The following FHOD1 variants were observed in gnomAD, a reference collection of about 807,000 sequenced individuals.
The protein encoded by FHOD1 is formin homology 2 domain containing 1.
A neutral mutation model predicts 111.6 loss-of-function variants in FHOD1; 89 were observed. The ratio of observed to expected loss-of-function variants is 0.80; its 90% confidence interval spans 0.67 to 0.95. FHOD1 has a LOEUF of 0.95. Among genes scored for constraint, FHOD1 ranks in the 40% least tolerant of loss-of-function variants. FHOD1 has a pLI of 0.00. For synonymous variants in FHOD1, 618 were observed against 639.0 expected (o/e 0.97, Z 0.50); for missense variants, 1,446 against 1,554.2 (o/e 0.93, Z 1.17).
rs577832197 is a variant in FHOD1 at position 67,230,159 on chromosome 16, C to T, written c.3121G>A (p.Gly1041Arg). 16 of 1,614,204 alleles carry T rather than the reference C, an allele frequency of 9.9e-6. No individual in the cohort carries two copies. In the East Asian group the frequency reaches 1.1e-4, roughly 11 times the overall value. ...CTGTCAGCATCTCCCCGGCCTGGCC[C>T]GCTGCTCACTGCTACTGGGACAGAG... ...NPSVPVAVSS[G>R]PGRGDADSHA... Residue 1041 changes from glycine (G) to arginine (R), a missense_variant, in exon 20 of 22, where the codon GGG becomes AGG. Around this residue, in one of 3 missense-constraint regions of FHOD1, gnomAD observed 1,085 missense variants for 1,108.8 expected, o/e 0.98. Coordinates refer to ENST00000258201, the MANE Select transcript of FHOD1 (RefSeq NM_013241.3).
rs189993811 is a variant in FHOD1, at chr16:67,233,143, A to G, written c.2046+514T>C. 2.2e-3 allele frequency among the ~76,000 whole-genome samples: 337 copies of G among 151,412 alleles called. 2 individuals carry two copies. The highest frequency in any genetic ancestry group is 7.8e-3 in the African/African-American group (321 of 41,200). ...CTCTTGTCCCCCAGGCTGGAGTGCAATGGTGCGATCTCGACTCACTGCAAC... is the reference window on the plus strand; with the variant it reads ...CTCTTGTCCCCCAGGCTGGAGTGCAGTGGTGCGATCTCGACTCACTGCAAC... On this transcript the variant is annotated intron_variant, in intron 13 of 21. Coordinates refer to ENST00000258201, the MANE Select transcript of FHOD1 (RefSeq NM_013241.3).
At position 67,230,085 on chromosome 16, in the gene FHOD1, T is replaced by G; in HGVS notation, c.3195A>C (p.Thr1065=). 10 of 1,614,156 alleles carry G rather than the reference T, an allele frequency of 6.2e-6. No individual in the cohort carries two copies. Among genetic ancestry groups the G allele is most frequent in the Non-Finnish European group, 7.6e-6 (9 of 1,180,012 alleles). The change falls in exon 20 of 22, where the codon ACA becomes ACC. Residue 1065 remains threonine, a synonymous_variant. Transcript: ENST00000258201. ...CCTCACCTCTGCTGCGGCGATTGTG[T>G]GTGGTGTCCTCAGGCCTGCTGGTCA... ...SLLTSRPEDT[T]HNRRSRGMVQ... is the part of the protein sequence containing the mutation.
chr16:67,238,847 C>A lies in FHOD1; in HGVS notation c.373+56G>T. On this transcript the variant is annotated intron_variant, in intron 3 of 21. Coordinates refer to ENST00000258201, the MANE Select transcript of FHOD1 (RefSeq NM_013241.3). This position sits in a 1 kb window ranked among gnomAD's most constrained non-coding sequence, Gnocchi z 4.2. ...TGTTCAGCACAGGCCTGAAGGTGAG[C>A]CAACTGGGCTATGGGGAGGAGGTGC... 6.4e-7 allele frequency: 1 copy of A among 1,566,994 alleles called. No homozygotes were observed. Among genetic ancestry groups the A allele is most frequent in the Non-Finnish European group, 8.8e-7 (1 of 1,137,080 alleles).
chr16:67,231,010 G>A lies in FHOD1; in HGVS notation c.2667+178C>T, dbSNP rs1030706215. On this transcript the variant is annotated intron_variant, in intron 17 of 21. Transcript: ENST00000258201. This position sits in a 1 kb window ranked among gnomAD's most constrained non-coding sequence, Gnocchi z 4.3. ...GTTAAACAGACCCAAAGACTGAGTAGGTGTGGCCAGGCCAATAGAGGAAAG... is the reference window on the plus strand; with the variant it reads ...GTTAAACAGACCCAAAGACTGAGTAAGTGTGGCCAGGCCAATAGAGGAAAG... 1.1e-6 allele frequency: 1 copy of A among 892,068 alleles called. No homozygotes were observed. 55.3% of individuals were successfully genotyped at this position (892,068 alleles called of 1,614,324 possible).
At position 67,238,170 on chromosome 16, in the gene FHOD1, A is replaced by G; in HGVS notation, c.547+32T>C. Reference sequence around the variant, plus strand: ...GGGCAGAGTCAGCGAGGGTCGCTGGAGCAGAGGTCATGGGAGAGGGGCGGG... The same window carrying G: ...GGGCAGAGTCAGCGAGGGTCGCTGGGGCAGAGGTCATGGGAGAGGGGCGGG... On this transcript the variant is annotated intron_variant, in intron 5 of 21. Coordinates refer to ENST00000258201, the MANE Select transcript of FHOD1 (RefSeq NM_013241.3). The surrounding 1 kb of genome is among the most constrained non-coding windows in gnomAD (Gnocchi z 4.2). 1 of 1,613,870 alleles carries G rather than the reference A, an allele frequency of 6.2e-7. No individual in the cohort carries two copies. The highest frequency in any genetic ancestry group is 8.5e-7 in the Non-Finnish European group (1 of 1,179,756).
In FHOD1 at chr16:67,230,366, T is replaced by C; in HGVS notation, c.2999A>G (p.Lys1000Arg). Residue 1000 changes from lysine to arginine, a missense_variant, in exon 19 of 22, where the codon AAG becomes AGG. By Grantham distance (26) the Lys-to-Arg change is conservative. Around this residue, in one of 3 missense-constraint regions of FHOD1, gnomAD observed 1,085 missense variants for 1,108.8 expected, o/e 0.98. Transcript: ENST00000258201. ...GTTGCGCTCACGGTATGTGGCCTGC[T>C]TCTGCTGCTGCTGTAGCACTCGTTC... is the stretch of plus-strand genomic sequence containing the variant. Reference protein sequence around the residue: ...CRERVLQQQQKQATYRERNKT... With the variant: ...CRERVLQQQQRQATYRERNKT... The C allele has an allele frequency of 6.2e-7, 1 of 1,614,260 alleles. No individual in the cohort carries two copies. Among genetic ancestry groups the C allele is most frequent in the African/African-American group, 1.3e-5 (1 of 75,072 alleles).
rs1295622025 is a variant in FHOD1 at position 67,247,444 on chromosome 16, A to T, written c.-34T>A. On this transcript the variant is annotated 5_prime_UTR_variant, in exon 1 of 22. Coordinates refer to ENST00000258201, the MANE Select transcript of FHOD1 (RefSeq NM_013241.3). The stretch of plus-strand genomic sequence containing the variant: ...GGCCGGCTCACGCAGCGCGCCTCCG[A>T]GTCCCGGCCCCAGTGCAGCTTCTAC... The T allele has an allele frequency of 6.2e-7, 1 of 1,605,940 alleles. No homozygotes were observed. Among genetic ancestry groups the T allele is most frequent in the Admixed American group, 1.7e-5 (1 of 59,462 alleles).
chr16:67,237,861 C>T lies in FHOD1; in HGVS notation c.643-93G>A. The stretch of plus-strand genomic sequence containing the variant: ...GGGGAAGGGCTGCTGGGGCTGGACC[C>T]AGAGAGAATCTAGGCAGAATGACCC... On this transcript the variant is annotated intron_variant, in intron 6 of 21. Coordinates refer to ENST00000258201, the MANE Select transcript of FHOD1 (RefSeq NM_013241.3). This position sits in a 1 kb window ranked among gnomAD's most constrained non-coding sequence, Gnocchi z 5.6. The T allele has an allele frequency of 2.2e-6, 3 of 1,383,160 alleles. No homozygotes were observed. In the South Asian group the frequency reaches 3.6e-5, roughly 16 times the overall value. The allele number at this position is 1,383,160 out of a possible 1,614,324, so 85.7% of individuals were successfully genotyped here.
At chr16:67,235,157 T>C (rs541374744) in intron 11 of FHOD1, among the ~76,000 whole-genome samples, 2 of 152,302 alleles carry the variant, frequency 1.3e-5, no homozygotes, top group South Asian at 2.1e-4. Flanking sequence ...GGGAAGGGGA[T>C]AGCTGTCCCA....
chr16:67,242,522 C>G (rs1341283266), intron 1 of FHOD1, among the ~76,000 whole-genome samples: 1 of 152,224 alleles, frequency 6.6e-6, no homozygotes, highest in Admixed American at 6.5e-5. Context: ...CTGGGGTCAC[C>G]CTTCTGAGAG....
At chr16:67,233,604 C>G in intron 13 of FHOD1, 53 bp downstream of exon 13, 2 of 1,527,114 alleles carry the variant, frequency 1.3e-6, no homozygotes, top group Non-Finnish European at 1.8e-6. Context: ...GATCCTTAAG[C>G]TCTGATTCCC....
intron 11 of FHOD1, chr16:67,236,268 G>A (rs2034470981): frequency 1.1e-5 from 9 of 845,668 alleles, no homozygotes; most frequent in Non-Finnish European, 1.5e-5. Flanking sequence ...AAGAGACAGA[G>A]GCAGCAGAAC....
intron 11 of FHOD1, 99 bp from the exon 12 acceptor site, chr16:67,234,571 G>T: frequency 2.0e-6 from 2 of 1,001,878 alleles, no homozygotes; most frequent in Non-Finnish European, 3.0e-6. Context: ...TTGCAGGCAC[G>T]CACAGACACA....
chr16:67,246,445 A>G (rs1236442360), intron 1 of FHOD1, among the ~76,000 whole-genome samples: 1 of 152,122 alleles, frequency 6.6e-6, no homozygotes, highest in Non-Finnish European at 1.5e-5. Flanking sequence ...CCATCTGGAA[A>G]AGGGCCTCTT....
In FHOD1 at chr16:67,239,386, C is replaced by G; in HGVS notation, c.270G>C (p.Glu90Asp). The change falls in exon 2 of 22, where the codon GAG (glutamate) becomes GAC (aspartate). Residue 90 changes from glutamate (E) to aspartate (D), a missense_variant. Glu to Asp is a conservative substitution (Grantham distance 45). This residue lies in a region of FHOD1 where 234 missense variants were observed against 327.4 expected (regional missense o/e 0.71). Coordinates refer to ENST00000258201, the MANE Select transcript of FHOD1 (RefSeq NM_013241.3). Reference sequence around the variant, plus strand: ...AGAAGCCCTCCAGCATCTCCCGCTGCTCTTCCAGGGACAGCTCGGTGTCCA... The same window carrying G: ...AGAAGCCCTCCAGCATCTCCCGCTGGTCTTCCAGGGACAGCTCGGTGTCCA... ...YYLDTELSLE[E>D]QREMLEGFYE... is the part of the protein sequence containing the mutation. The G allele has an allele frequency of 6.2e-7, 1 of 1,614,212 alleles. No homozygotes were observed. Among genetic ancestry groups the G allele is most frequent in the Non-Finnish European group, 8.5e-7 (1 of 1,180,038 alleles).
rs546547630 is a variant in FHOD1, at chr16:67,230,160, G to A, written c.3120C>T (p.Ser1040=). 89 of 1,614,042 alleles carry A rather than the reference G, an allele frequency of 5.5e-5. No homozygotes were observed. The highest frequency in any genetic ancestry group is 2.3e-4 in the South Asian group (21 of 91,092). The change falls in exon 20 of 22, where the codon AGC becomes AGT. Residue 1040 remains serine (S), a synonymous_variant. Coordinates refer to ENST00000258201, the MANE Select transcript of FHOD1 (RefSeq NM_013241.3). ...SNPSVPVAVS[S]GPGRGDADSH... ...TGTCAGCATCTCCCCGGCCTGGCCCGCTGCTCACTGCTACTGGGACAGAGG... is the reference window on the plus strand; with the variant it reads ...TGTCAGCATCTCCCCGGCCTGGCCCACTGCTCACTGCTACTGGGACAGAGG...
In FHOD1 at chr16:67,237,185, G is replaced by A. The variant is rs2034518621; in HGVS notation, c.993+54C>T. On this transcript the variant is annotated intron_variant, in intron 9 of 21. Transcript: ENST00000258201. This position sits in a 1 kb window ranked among gnomAD's most constrained non-coding sequence, Gnocchi z 5.6. The stretch of plus-strand genomic sequence containing the variant: ...CAGGTGGGGTGGGGCGCTGGGGACT[G>A]CGCTTCTCTCTTCCCTCTTTCCAAT... 1 of 1,604,282 alleles carries A rather than the reference G, an allele frequency of 6.2e-7. No individual in the cohort carries two copies. Among genetic ancestry groups the A allele is most frequent in the Admixed American group, 1.7e-5 (1 of 59,522 alleles).
intron 1 of FHOD1, among the ~76,000 whole-genome samples, chr16:67,245,278 C>T (rs1282014935): frequency 6.6e-6 from 1 of 152,138 alleles, no homozygotes; most frequent in African/African-American, 2.4e-5. Flanking sequence ...GGATGAGGAA[C>T]TTATATTCTT....
At chr16:67,232,702 C>CTAGGCTGG (rs1316433342) in intron 13 of FHOD1, among the ~76,000 whole-genome samples, 5 of 152,156 alleles carry the variant, frequency 3.3e-5, no homozygotes, top group African/African-American at 1.2e-4. Flanking sequence ...GCTCTACCAT[C>CTAGGCTGG]TAGGCTGGAG....
Sources: gnomAD v4.1 joint callset for allele counts (sites outside exome capture counted in the v4.1 genomes callset) on GRCh38, gnomAD v4.1.1 for gene constraint, gnomAD v4.1.1 regional missense constraint, Gnocchi (gnomAD v3.1) non-coding constraint, MANE v1.5 for transcripts, NCBI Gene and HGNC (gene_info 2026-07-23, HGNC 2026-07-21) for gene names.